The following ELMO2 variants were observed in gnomAD, a reference collection of about 807,000 sequenced individuals.
ELMO2 encodes the protein engulfment and cell motility 2, also known as engulfment and cell motility protein 2.
A neutral mutation model predicts 96.2 loss-of-function variants in ELMO2; 37 were observed. The ratio of observed to expected loss-of-function variants is 0.38; its 90% CI spans 0.30 to 0.51. The LOEUF is 0.51. ELMO2 is among the 20% of genes least tolerant of loss of function. ELMO2 has a pLI of 0.88. For missense variants in ELMO2, 561 were observed against 912.6 expected, an observed-to-expected ratio of 0.61 and a Z score of 4.96; for synonymous variants, 315 against 329.4, an observed-to-expected ratio of 0.96 and a Z score of 0.47.
chr20:46,376,146 C>T (rs1317496536), intron 11 of ELMO2, among the ~76,000 whole-genome samples: 12 of 152,150 alleles, frequency 7.9e-5, no homozygotes, highest in Admixed American at 7.9e-4. Flanking sequence ...TTTCACAGGC[C>T]TACTAAATGC....
chr20:46,380,121 G>C (rs2059929498), intron 11 of ELMO2, 132 bp downstream of exon 11: 7 of 743,850 alleles, frequency 9.4e-6, no homozygotes, highest in African/African-American at 1.8e-5. Flanking sequence ...CAGTTCAAGA[G>C]GTATTTACCT....
Position 46,375,765 on chromosome 20 carries a change from A to C in ELMO2, c.833T>G (p.Ile278Ser). The C allele has an allele frequency of 1.2e-6, 2 of 1,614,172 alleles. No individual in the cohort carries two copies. Among genetic ancestry groups the C allele is most frequent in the Non-Finnish European group, 1.7e-6 (2 of 1,180,018 alleles). The change falls in exon 12 of 22, where the codon ATC becomes AGC. Residue 278 changes from isoleucine (I) to serine (S), a missense_variant. Ile to Ser is a moderately radical substitution (Grantham distance 142, BLOSUM62 -2). Coordinates refer to ENST00000290246, the MANE Select transcript of ELMO2 (RefSeq NM_133171.5). This position sits in a 1 kb window ranked among gnomAD's most constrained non-coding sequence, Gnocchi z 4.6. ...LNHVIRGNRP[I>S]KTEMAHQLYV... The stretch of plus-strand genomic sequence containing the variant: ...TAGCTGATGGGCCATCTCAGTTTTG[A>C]TGGGGCGGTTCCCTCGGATCACATG...
chr20:46,393,446 G>T, intron 5 of ELMO2, 83 bp downstream of exon 5: 1 of 1,432,352 alleles, frequency 7.0e-7, no homozygotes, highest in Non-Finnish European at 9.8e-7. Flanking sequence ...CCTGGATGCT[G>T]AGTGAAGATA....
At position 46,373,358 on chromosome 20, in the gene ELMO2, G is replaced by T. The variant is rs200814147; in HGVS notation, c.1416+41C>A. The T allele has an allele frequency of 9.3e-6, 15 of 1,610,622 alleles. 1 individual carries two copies. The South Asian group carries it at 1.6e-4, about 18-fold the overall frequency. ...AGCTGTCAAAGGCTGTCGTGTGATG[G>T]TCTCCTCCCGTGGGCCTCAGAGCAG... On this transcript the variant is annotated intron_variant, in intron 16 of 21. Transcript: ENST00000290246.
At position 46,375,875 on chromosome 20, in the gene ELMO2, A is replaced by G; in HGVS notation, c.808-85T>C. 1 of 1,562,404 alleles carries G rather than the reference A, an allele frequency of 6.4e-7. No homozygotes were observed. The highest frequency in any genetic ancestry group is 1.2e-5 in the South Asian group (1 of 86,536). On this transcript the variant is annotated intron_variant, in intron 11 of 21. Transcript: ENST00000290246. This position sits in a 1 kb window ranked among gnomAD's most constrained non-coding sequence, Gnocchi z 4.6. The stretch of plus-strand genomic sequence containing the variant: ...CATCCATGCTAAGGAAAAGGAATGT[A>G]TGTTGGGAAGGGAACAGAGCTTTCC...
chr20:46,388,174 T>C (rs1377724100), intron 7 of ELMO2, among the ~76,000 whole-genome samples: 1 of 152,188 alleles, frequency 6.6e-6, no homozygotes, highest in Non-Finnish European at 1.5e-5. Context: ...GTAGCTATTA[T>C]TATCCTCAGG....
intron 1 of ELMO2, among the ~76,000 whole-genome samples, chr20:46,401,478 CT>C (rs2060334475): frequency 6.6e-6 from 1 of 152,134 alleles, no homozygotes; most frequent in South Asian, 2.1e-4. Flanking sequence ...GGCAGGGGAA[CT>C]ATTTGGGTTT....
At chr20:46,368,804 G>A in intron 21 of ELMO2, 87 bp downstream of exon 21, 1 of 1,429,664 alleles carries the variant, frequency 7.0e-7, no homozygotes, top group Non-Finnish European at 9.8e-7. Context: ...CCCACCACAG[G>A]GGACTTTCCT....
At position 46,393,473 on chromosome 20, in the gene ELMO2, TG is replaced by T. The variant is rs1600875666; in HGVS notation, c.192+55del. 5.1e-6 allele frequency: 8 copies of T among 1,577,790 alleles called. No individual in the cohort carries two copies. The East Asian group carries it at 1.8e-4, about 35-fold the overall frequency. On this transcript the variant is annotated intron_variant, in intron 5 of 21. Transcript: ENST00000290246. ...GTGAAGATAAATAGTGCCGTCTCCT[TG>T]GGTCGTTTAATTCCAAGCAAGGCCC...
chr20:46,404,245 G>A (rs1259513316), intron 1 of ELMO2, among the ~76,000 whole-genome samples: 3 of 152,192 alleles, frequency 2.0e-5, no homozygotes, highest in Non-Finnish European at 4.4e-5. Context: ...TTGCCTTGCA[G>A]GGTTTTCTTC....
intron 1 of ELMO2, among the ~76,000 whole-genome samples, chr20:46,399,097 G>A (rs1273689498): frequency 6.6e-6 from 1 of 152,210 alleles, no homozygotes; most frequent in Admixed American, 6.5e-5. Flanking sequence ...CTAGCAAGTG[G>A]CACAGCCAGA....
chr20:46,387,251 G>T, intron 8 of ELMO2, 87 bp downstream of exon 8: 1 of 1,136,472 alleles, frequency 8.8e-7, no homozygotes, highest in Non-Finnish European at 1.3e-6. Flanking sequence ...GATCTCACCA[G>T]AATGGCGATA....
Position 46,376,834 on chromosome 20 carries a change from T to C in ELMO2, c.808-1044A>G. 4 of 1,265,026 alleles carry C rather than the reference T, an allele frequency of 3.2e-6. No homozygotes were observed. In the South Asian group the frequency reaches 3.8e-5, roughly 12 times the overall value. The allele number at this position is 1,265,026 out of a possible 1,614,324, so 78.4% of individuals were successfully genotyped here. A position where few individuals can be genotyped will look rare whatever the true frequency, so the allele number is the denominator to read the frequency against. ...CTGTCTCTAGGGCTGTGCTGTCCAG[T>C]ATAGCAGCCACTAGCCATATGCAGC... On this transcript the variant is annotated intron_variant, in intron 11 of 21. Transcript: ENST00000290246.
chr20:46,367,150 G>T lies in ELMO2; in HGVS notation c.*210C>A. ...CCCAGGCTTCATGGTGATGGAGTGG[G>T]CAGAGCACCCTGCCTTCATGACTCT... On this transcript the variant is annotated 3_prime_UTR_variant, in exon 22 of 22. Coordinates refer to ENST00000290246, the MANE Select transcript of ELMO2 (RefSeq NM_133171.5). 6.6e-6 allele frequency: 3 copies of T among 455,762 alleles called. No individual in the cohort carries two copies. The highest frequency in any genetic ancestry group is 1.1e-5 in the Non-Finnish European group (3 of 262,074). The allele number at this position is 455,762 out of a possible 1,614,324, so 28.2% of individuals were successfully genotyped here.
At chr20:46,388,953 T>C in intron 7 of ELMO2, 86 bp downstream of exon 7, 4 of 1,427,562 alleles carry the variant, frequency 2.8e-6, no homozygotes, top group Non-Finnish European at 3.8e-6. Flanking sequence ...AACTCCTTAT[T>C]TGACTCAAGG....
Position 46,369,967 on chromosome 20 carries a change from T to G in ELMO2, c.1884+476A>C, listed in dbSNP as rs1352605086. The G allele has an allele frequency of 9.1e-4, 90 of 98,776 alleles. 1 individual carries two copies. Among genetic ancestry groups the G allele is most frequent in the Middle Eastern group, 4.9e-3 (1 of 206 alleles). 6.1% of individuals were successfully genotyped at this position (98,776 alleles called of 1,614,324 possible). On this transcript the variant is annotated intron_variant, in intron 20 of 21. Transcript: ENST00000290246. Reference sequence around the variant, plus strand: ...TAGACAAGATGGGTATGGGGGTGTGTGTGTGTGTGTGTGTGTGTGTGTGTG... The same window carrying G: ...TAGACAAGATGGGTATGGGGGTGTGGGTGTGTGTGTGTGTGTGTGTGTGTG...
At chr20:46,397,654 G>C (rs1284728476) in intron 2 of ELMO2, among the ~76,000 whole-genome samples, 3 of 152,086 alleles carry the variant, frequency 2.0e-5, no homozygotes, top group Non-Finnish European at 2.9e-5. Context: ...CTGGGCGACG[G>C]AATGAGACTC....
rs1427567051 is a variant in ELMO2, at chr20:46,374,425, T to C, written c.1186A>G (p.Ser396Gly). 4 of 1,614,046 alleles carry C rather than the reference T, an allele frequency of 2.5e-6. No individual in the cohort carries two copies. In the African/African-American group the frequency reaches 5.3e-5, roughly 22 times the overall value. The change falls in exon 15 of 22, where the codon AGT (serine) becomes GGT (glycine). Residue 396 changes from serine (S) to glycine (G), a missense_variant. Ser to Gly is a moderately conservative substitution (Grantham distance 56, BLOSUM62 0). Transcript: ENST00000290246. ...DTYIRIVLENSSREDKHECPF... is the reference protein window; with the variant it reads ...DTYIRIVLENGSREDKHECPF... ...CATTCATGTTTGTCTTCCCGGCTAC[T>C]GTTCTCCAAGACAATCTGTCGGGGG...
At chr20:46,403,284 T>C (rs1325617643) in intron 1 of ELMO2, among the ~76,000 whole-genome samples, 1 of 152,228 alleles carries the variant, frequency 6.6e-6, no homozygotes, top group Non-Finnish European at 1.5e-5. Flanking sequence ...ATTATTACTA[T>C]TTCCCAGTGG....
Sources: gnomAD v4.1 joint callset for allele counts (sites outside exome capture counted in the v4.1 genomes callset) on GRCh38, gnomAD v4.1.1 for gene constraint, Gnocchi (gnomAD v3.1) non-coding constraint, MANE v1.5 for transcripts, NCBI Gene and HGNC (gene_info 2026-07-23, HGNC 2026-07-21) for gene names.